Variants in STRN3 observed in about 807,000 individuals in gnomAD.
The protein encoded by STRN3 is striatin 3.
A neutral mutation model predicts 95.6 loss-of-function variants in STRN3; 29 were observed. That is an observed-to-expected ratio of 0.30 (90% CI 0.23 to 0.41). STRN3 has a LOEUF of 0.41. STRN3 is among the 10% of genes least tolerant of loss of function. STRN3 has a pLI of 1.00. For missense variants in STRN3, 890 were observed against 972.1 expected (o/e 0.92, Z 1.12); for synonymous variants, 331 against 357.6 (o/e 0.93, Z 0.84).
At chr14:30,924,390 C>T (rs570663936) in intron 8 of STRN3, among the ~76,000 whole-genome samples, 50 of 140,268 alleles carry the variant, frequency 3.6e-4, no homozygotes, top group African/African-American at 1.1e-3. Flanking sequence ...TGGGTTCAAG[C>T]GATTCTCCTG....
chr14:30,894,893 C>CTTTTT lies in STRN3; in HGVS notation c.*513_*517dup, dbSNP rs34255465. 1.6e-5 allele frequency: 12 copies of CTTTTT among 741,864 alleles called. No individual in the cohort carries two copies. The highest frequency in any genetic ancestry group is 4.2e-5 in the African/African-American group (2 of 47,686). The allele number at this position is 741,864 out of a possible 1,614,324, so 46.0% of individuals were successfully genotyped here. ...ATATTTTAAGTTAAATTTTCTTTTT[C>CTTTTT]TTTTTTTTTTTTTTTAAAGCAAAAT... is the stretch of plus-strand genomic sequence containing the variant. On this transcript the variant is annotated 3_prime_UTR_variant, in exon 18 of 18. Transcript: ENST00000357479.
intron 16 of STRN3, among the ~76,000 whole-genome samples, chr14:30,900,408 T>C: frequency 8.7e-6 from 1 of 114,562 alleles, no homozygotes; most frequent in Non-Finnish European, 1.7e-5. Context: ...TGAAGACAAC[T>C]CATAGTTTCA....
intron 3 of STRN3, among the ~76,000 whole-genome samples, chr14:30,951,394 C>G (rs1444431977): frequency 6.6e-6 from 1 of 151,968 alleles, no homozygotes; most frequent in East Asian, 1.9e-4. Flanking sequence ...CCACCACACC[C>G]AGCTAATTTT....
At chr14:30,904,215 G>C (rs949236541) in intron 15 of STRN3, among the ~76,000 whole-genome samples, 1 of 152,056 alleles carries the variant, frequency 6.6e-6, no homozygotes, top group African/African-American at 2.4e-5. Flanking sequence ...CATGAACCTA[G>C]AAGATCTTGT....
intron 13 of STRN3, among the ~76,000 whole-genome samples, chr14:30,909,347 A>G (rs1896550431): frequency 6.6e-6 from 1 of 152,202 alleles, no homozygotes; most frequent in East Asian, 1.9e-4. Context: ...CAAAAAATAC[A>G]AAAATTAGTG....
At position 30,902,577 on chromosome 14, in the gene STRN3, G is replaced by A; in HGVS notation, c.2096C>T (p.Ala699Val). The change falls in exon 16 of 18, where the codon GCT becomes GTT. Residue 699 changes from alanine to valine, a missense_variant. This residue lies in a region of STRN3 where 357 missense variants were observed against 422.8 expected (regional missense o/e 0.84). Coordinates refer to ENST00000357479, the MANE Select transcript of STRN3 (RefSeq NM_001083893.2). ...SHPTLPVTIT[A>V]HEDRHIKFFD... Reference sequence around the variant, plus strand: ...AAATTTGATGTGTCTATCTTCATGAGCAGTTATTGTAACAGGAAGTGTGGG... The same window carrying A: ...AAATTTGATGTGTCTATCTTCATGAACAGTTATTGTAACAGGAAGTGTGGG... 1 of 1,608,654 alleles carries A rather than the reference G, an allele frequency of 6.2e-7. No individual in the cohort carries two copies. Among genetic ancestry groups the A allele is most frequent in the Non-Finnish European group, 8.5e-7 (1 of 1,178,094 alleles).
At chr14:31,001,387 T>G (rs1439535037) in intron 1 of STRN3, among the ~76,000 whole-genome samples, 1 of 151,744 alleles carries the variant, frequency 6.6e-6, no homozygotes, top group Non-Finnish European at 1.5e-5. Context: ...ATTTAAAAAT[T>G]TTGCCGGGCA....
At chr14:31,011,108 A>G (rs1306201033) in intron 1 of STRN3, among the ~76,000 whole-genome samples, 1 of 152,180 alleles carries the variant, frequency 6.6e-6, no homozygotes, top group Non-Finnish European at 1.5e-5. Context: ...GGGAGGGGAG[A>G]CAAAATTATA....
At chr14:30,984,125 C>CCG (rs1566474684) in intron 1 of STRN3, among the ~76,000 whole-genome samples, 1 of 85,852 alleles carries the variant, frequency 1.2e-5, no homozygotes, top group Non-Finnish European at 2.5e-5. Flanking sequence ...GGCATCTTCC[C>CCG]CGCCCCCCCC....
intron 1 of STRN3, among the ~76,000 whole-genome samples, chr14:30,976,235 A>C (rs140770379): frequency 5.9e-4 from 90 of 152,366 alleles, no homozygotes; most frequent in Non-Finnish European, 1.3e-3. Context: ...TATACCATGC[A>C]AACATTAACT....
rs1883929248 is a variant in STRN3, at chr14:31,026,315, G to C, written c.-130C>G. On this transcript the variant is annotated 5_prime_UTR_variant, in exon 1 of 18. Coordinates refer to ENST00000357479, the MANE Select transcript of STRN3 (RefSeq NM_001083893.2). Reference sequence around the variant, plus strand: ...GAGGGGCGGGGAAGGGGTCGTTGCTGTGTGCCTGCCGTGGGTCAGAGCAGG... The same window carrying C: ...GAGGGGCGGGGAAGGGGTCGTTGCTCTGTGCCTGCCGTGGGTCAGAGCAGG... The C allele has an allele frequency of 2.0e-6, 2 of 1,022,054 alleles. No individual in the cohort carries two copies. The highest frequency in any genetic ancestry group is 3.3e-5 in the East Asian group (1 of 30,194). 63.3% of individuals were successfully genotyped at this position (1,022,054 alleles called of 1,614,324 possible). A position where few individuals can be genotyped will look rare whatever the true frequency, so the allele number is the denominator to read the frequency against.
In STRN3 at chr14:31,005,231, C is replaced by G. The variant is rs896307374; in HGVS notation, c.282+20673G>C. ...CCAGAAGTCCCAGCTACTCAGGAGG[C>G]TGAAGCAGAAGAGTCACTTGAACCC... is the stretch of plus-strand genomic sequence containing the variant. On this transcript the variant is annotated intron_variant, in intron 1 of 17. Coordinates refer to ENST00000357479, the MANE Select transcript of STRN3 (RefSeq NM_001083893.2). Among the ~76,000 whole-genome samples the G allele has an allele frequency of 2.6e-5, 4 of 152,122 alleles. No individual in the cohort carries two copies. In the South Asian group the frequency reaches 8.3e-4, roughly 31 times the overall value.
rs776706258 is a variant in STRN3 at position 31,026,198 on chromosome 14, C to T, written c.-13G>A. ...CAAGCTCGTCCATTGTGTGTGGGGC[C>T]CCGGCCGGGGCGCAGGGCGAGACGC... On this transcript the variant is annotated 5_prime_UTR_variant, in exon 1 of 18. Coordinates refer to ENST00000357479, the MANE Select transcript of STRN3 (RefSeq NM_001083893.2). 5.4e-5 allele frequency: 77 copies of T among 1,413,674 alleles called. No individual in the cohort carries two copies. The highest frequency in any genetic ancestry group is 6.7e-5 in the Admixed American group (2 of 29,732). The allele number at this position is 1,413,674 out of a possible 1,614,324, so 87.6% of individuals were successfully genotyped here.
intron 7 of STRN3, among the ~76,000 whole-genome samples, chr14:30,934,795 A>T (rs1347725576): frequency 6.6e-6 from 1 of 152,144 alleles, no homozygotes; most frequent in Non-Finnish European, 1.5e-5. Flanking sequence ...ACATACAGAG[A>T]GTTAAATCTT....
At chr14:31,014,831 C>G in intron 1 of STRN3, 1 of 382,768 alleles carries the variant, frequency 2.6e-6, no homozygotes, top group South Asian at 2.0e-5. Flanking sequence ...AAAAAAAAAA[C>G]AGGGTCTCAC....
chr14:31,015,783 G>A (rs1403059157), intron 1 of STRN3, among the ~76,000 whole-genome samples: 1 of 152,244 alleles, frequency 6.6e-6, no homozygotes, highest in Admixed American at 6.5e-5. Flanking sequence ...TAGAAGTTCA[G>A]TTCTGTTCCC....
chr14:30,919,362 G>GAGAT (rs781601775), intron 8 of STRN3, among the ~76,000 whole-genome samples: 2 of 146,502 alleles, frequency 1.4e-5, no homozygotes, highest in East Asian at 2.0e-4. Flanking sequence ...TCTCTAAAGA[G>GAGAT]ATATATATAT....
intron 8 of STRN3, among the ~76,000 whole-genome samples, chr14:30,923,926 A>C (rs1361833422): frequency 6.6e-6 from 1 of 152,126 alleles, no homozygotes; most frequent in Non-Finnish European, 1.5e-5. Flanking sequence ...GTTTTTACTA[A>C]GATATAAAAT....
intron 1 of STRN3, among the ~76,000 whole-genome samples, chr14:30,960,694 C>A (rs1486064082): frequency 6.6e-6 from 1 of 151,734 alleles, no homozygotes; most frequent in East Asian, 1.9e-4. Flanking sequence ...ACGGTGAAAC[C>A]CCGCCTCTAC....
Sources: gnomAD v4.1 joint callset for allele counts (sites outside exome capture counted in the v4.1 genomes callset) on GRCh38, gnomAD v4.1.1 for gene constraint, gnomAD v4.1.1 regional missense constraint, MANE v1.5 for transcripts, NCBI Gene and HGNC (gene_info 2026-07-23, HGNC 2026-07-21) for gene names.